ONECUT2: variants seen among roughly 807,000 people sequenced by gnomAD.
ONECUT2 encodes one cut homeobox 2.
In ONECUT2, 10 loss-of-function variants were observed where a neutral mutation model predicts 27.9. That is an observed-to-expected ratio of 0.36 (90% CI 0.22 to 0.61). The LOEUF is 0.61. Among genes scored for constraint, ONECUT2 ranks in the 20% least tolerant of loss-of-function variants. The pLI is 0.73. For synonymous variants in ONECUT2, 334 were observed against 315.1 expected, an observed-to-expected ratio of 1.06 and a Z score of -0.64; for missense variants, 686 against 721.0, an observed-to-expected ratio of 0.95 and a Z score of 0.56.
intron 1 of ONECUT2, among the ~76,000 whole-genome samples, chr18:57,473,866 C>G (rs1386190432): frequency 6.6e-6 from 1 of 152,204 alleles, no homozygotes; most frequent in Non-Finnish European, 1.5e-5. Context: ...CAGGAATCAT[C>G]AGAATCCAAC....
chr18:57,455,078 A>C (rs989071160), intron 1 of ONECUT2, among the ~76,000 whole-genome samples: 1 of 152,178 alleles, frequency 6.6e-6, no homozygotes, highest in Non-Finnish European at 1.5e-5. Flanking sequence ...CCCGGTGGTC[A>C]TGAGATTTAA....
Sources: allele counts gnomAD v4.1 joint callset (sites outside exome capture counted in the v4.1 genomes callset), GRCh38; gene constraint gnomAD v4.1.1; transcripts MANE v1.5; gene names NCBI Gene and HGNC (gene_info 2026-07-23, HGNC 2026-07-21).